FAM3B: variants seen among roughly 807,000 people sequenced by gnomAD.
FAM3B encodes protein FAM3B.
A neutral mutation model predicts 28.4 loss-of-function variants in FAM3B; 29 were observed. That is an observed-to-expected ratio of 1.02 (90% CI 0.76 to 1.39). The LOEUF (loss-of-function observed/expected upper bound fraction) is 1.39, where lower values mean the gene tolerates loss of function less well. Ranked by LOEUF, FAM3B falls within the 40% of genes most tolerant of loss-of-function variation. The pLI, the probability that FAM3B is intolerant of heterozygous loss-of-function variation, is 0.00. For synonymous variants in FAM3B, 91 were observed against 103.0 expected, an observed-to-expected ratio of 0.88 and a Z score of 0.71; for missense variants, 266 against 293.9, an observed-to-expected ratio of 0.91 and a Z score of 0.69.
chr21:41,324,416 G>T (rs557832591), intron 2 of FAM3B, among the ~76,000 whole-genome samples: 29 of 152,292 alleles, frequency 1.9e-4, no homozygotes, highest in Admixed American at 5.9e-4. Context: ...CAGGACCAAA[G>T]GGATTCATCC....
upstream of FAM3B, among the ~76,000 whole-genome samples, chr21:41,314,049 A>G (rs2088730731): frequency 6.6e-6 from 1 of 152,216 alleles, no homozygotes; most frequent in Non-Finnish European, 1.5e-5. Flanking sequence ...TAATCTTTCA[A>G]TTAGATGGCT....
intron 6 of FAM3B, among the ~76,000 whole-genome samples, chr21:41,348,373 T>C (rs1314279122): frequency 1.3e-5 from 2 of 152,214 alleles, no homozygotes; most frequent in East Asian, 3.9e-4. Flanking sequence ...AACTGGGGCC[T>C]AAAATGGCTC....
chr21:41,334,625 C>A (rs1246964751), intron 2 of FAM3B, among the ~76,000 whole-genome samples: 5 of 152,052 alleles, frequency 3.3e-5, no homozygotes, highest in Admixed American at 1.3e-4. Flanking sequence ...ATGGGAAATC[C>A]TGAGTGCTCA....
At chr21:41,345,986 T>A in intron 5 of FAM3B, 1 of 319,238 alleles carries the variant, frequency 3.1e-6, no homozygotes. Context: ...TTTTTAGCTC[T>A]CATGATATAA....
chr21:41,322,366 A>C (rs2145798059), intron 1 of FAM3B, among the ~76,000 whole-genome samples: 1 of 152,314 alleles, frequency 6.6e-6, no homozygotes, highest in East Asian at 1.9e-4. Flanking sequence ...GGGATGATAG[A>C]ACAGGTTTGG....
intron 2 of FAM3B, among the ~76,000 whole-genome samples, chr21:41,328,763 G>A (rs2088877782): frequency 6.6e-6 from 1 of 152,210 alleles, no homozygotes. Context: ...GTTGAGATGA[G>A]ACGGGGCAGT....
chr21:41,355,556 GAAACAAAC>G (rs3037007), intron 7 of FAM3B, among the ~76,000 whole-genome samples: 23 of 151,104 alleles, frequency 1.5e-4, no homozygotes, highest in African/African-American at 4.8e-4. Flanking sequence ...CAGGCTAAGT[GAAACAAAC>G]AAACAAACAA....
intron 2 of FAM3B, among the ~76,000 whole-genome samples, chr21:41,323,616 T>C: frequency 6.6e-6 from 1 of 152,204 alleles, no homozygotes. Flanking sequence ...GCCTGCTGTG[T>C]GCTGGGCATG....
upstream of FAM3B, among the ~76,000 whole-genome samples, chr21:41,314,334 G>A (rs1486286030): frequency 1.3e-5 from 2 of 152,190 alleles, no homozygotes; most frequent in African/African-American, 4.8e-5. Context: ...TGCTGTTTAA[G>A]TCCCCAGAGT....
chr21:41,341,487 G>C (rs1177738326), intron 3 of FAM3B, among the ~76,000 whole-genome samples: 2 of 152,116 alleles, frequency 1.3e-5, no homozygotes, highest in African/African-American at 4.8e-5. Context: ...TTTTTTGGTG[G>C]TGATTTATTT....
chr21:41,339,404 C>G (rs555796860), intron 3 of FAM3B, among the ~76,000 whole-genome samples: 7 of 152,244 alleles, frequency 4.6e-5, no homozygotes, highest in African/African-American at 1.4e-4. Flanking sequence ...AGAGAGAGTT[C>G]CTTAATGGGA....
intron 2 of FAM3B, among the ~76,000 whole-genome samples, chr21:41,328,805 C>G (rs942403273): frequency 1.3e-5 from 2 of 152,114 alleles, no homozygotes; most frequent in Non-Finnish European, 1.5e-5. Flanking sequence ...GGGGAGCCAG[C>G]CTGCAGGGTT....
chr21:41,354,622 T>C (rs1288893321), intron 7 of FAM3B, among the ~76,000 whole-genome samples: 1 of 152,146 alleles, frequency 6.6e-6, no homozygotes, highest in Admixed American at 6.6e-5. Context: ...AAGTAGGAGC[T>C]AAATGATGAG....
chr21:41,346,812 C>A (rs564857228), intron 5 of FAM3B, among the ~76,000 whole-genome samples: 15 of 152,156 alleles, frequency 9.9e-5, no homozygotes, highest in South Asian at 2.1e-4. Flanking sequence ...GTGCCACTCA[C>A]CTCAGATAGT....
intron 3 of FAM3B, 106 bp downstream of exon 3, chr21:41,338,607 C>T: frequency 6.8e-7 from 1 of 1,465,370 alleles, no homozygotes; most frequent in Admixed American, 2.2e-5. Flanking sequence ...AACCATATGT[C>T]GTTGGTCTCA....
chr21:41,313,055 T>C (rs890708494), upstream of FAM3B, among the ~76,000 whole-genome samples: 34 of 152,314 alleles, frequency 2.2e-4, no homozygotes, highest in African/African-American at 7.7e-4. Flanking sequence ...TACGCTCAGC[T>C]AATCAGAGCT....
intron 1 of FAM3B, among the ~76,000 whole-genome samples, chr21:41,309,060 C>G (rs1355591927): frequency 1.3e-5 from 2 of 152,156 alleles, no homozygotes; most frequent in African/African-American, 4.8e-5. Flanking sequence ...GACCGAGGCT[C>G]TAGCTGAGTG....
At chr21:41,329,509 G>A (rs1441674491) in intron 2 of FAM3B, among the ~76,000 whole-genome samples, 1 of 152,068 alleles carries the variant, frequency 6.6e-6, no homozygotes, top group Non-Finnish European at 1.5e-5. Flanking sequence ...CACAGAGCAA[G>A]AGTAGAGGTG....
intron 2 of FAM3B, among the ~76,000 whole-genome samples, chr21:41,337,495 G>A (rs2088965609): frequency 6.6e-6 from 1 of 152,230 alleles, no homozygotes; most frequent in African/African-American, 2.4e-5. Flanking sequence ...GGATGCTGAT[G>A]CTAGGAGAGA....
Sources: allele counts gnomAD v4.1 joint callset (sites outside exome capture counted in the v4.1 genomes callset), GRCh38; gene constraint gnomAD v4.1.1; transcripts MANE v1.5; gene names NCBI Gene and HGNC (gene_info 2026-07-23, HGNC 2026-07-21).